The following NSG2 variants were observed in gnomAD, a reference collection of about 807,000 sequenced individuals.
NSG2 encodes the protein neuronal vesicle trafficking-associated protein 2.
In NSG2, 4 loss-of-function variants were observed where a neutral mutation model predicts 16.9. That is an observed-to-expected ratio of 0.24 (90% CI 0.12 to 0.54). NSG2 has a LOEUF of 0.54. NSG2 is among the 20% of genes least tolerant of loss of function. NSG2 has a pLI of 0.95. For synonymous variants in NSG2, 98 were observed against 88.7 expected (o/e 1.11, Z -0.59); for missense variants, 179 against 221.1 (o/e 0.81, Z 1.21).
At chr5:174,088,167 A>G (rs1324754523) in intron 3 of NSG2, among the ~76,000 whole-genome samples, 1 of 152,254 alleles carries the variant, frequency 6.6e-6, no homozygotes, top group Non-Finnish European at 1.5e-5. Context: ...GGTGAGCTCC[A>G]TAATCTCATT....
At chr5:174,049,039 G>GT (rs1275140774) in intron 2 of NSG2, among the ~76,000 whole-genome samples, 1 of 151,796 alleles carries the variant, frequency 6.6e-6, no homozygotes, top group Non-Finnish European at 1.5e-5. Context: ...AAAGTGCCTG[G>GT]TAAAAAAAAA....
intron 3 of NSG2, among the ~76,000 whole-genome samples, chr5:174,102,745 CTTTGTTTTT>C (rs1204034056): frequency 6.8e-6 from 1 of 146,748 alleles, no homozygotes; most frequent in Non-Finnish European, 1.5e-5. Flanking sequence ...AAGGGCCATG[CTTTGTTTTT>C]TTTATTTATT....
chr5:174,089,144 A>T (rs1760681208), intron 3 of NSG2, among the ~76,000 whole-genome samples: 1 of 152,178 alleles, frequency 6.6e-6, no homozygotes, highest in Non-Finnish European at 1.5e-5. Flanking sequence ...GCTCACTGAC[A>T]AGGAGGTCTG....
At chr5:174,083,289 G>T (rs1760523807) in intron 3 of NSG2, among the ~76,000 whole-genome samples, 1 of 152,242 alleles carries the variant, frequency 6.6e-6, no homozygotes, top group Non-Finnish European at 1.5e-5. Context: ...CTATTGTCCA[G>T]TGAACAATTA....
chr5:174,079,941 A>G (rs1760420656), intron 3 of NSG2, among the ~76,000 whole-genome samples: 1 of 152,138 alleles, frequency 6.6e-6, no homozygotes, highest in Non-Finnish European at 1.5e-5. Context: ...TGTGTTTTAT[A>G]TGTTACAATT....
chr5:174,097,613 TTC>T (rs977873751), intron 3 of NSG2, among the ~76,000 whole-genome samples: 4 of 141,046 alleles, frequency 2.8e-5, no homozygotes, highest in East Asian at 2.1e-4. Context: ...GTGTCTGTGT[TTC>T]TCTCTGTGTG....
intron 3 of NSG2, among the ~76,000 whole-genome samples, chr5:174,099,609 C>T (rs1760867796): frequency 6.6e-6 from 1 of 152,152 alleles, no homozygotes; most frequent in African/African-American, 2.4e-5. Context: ...GTTCTTTGCC[C>T]CCTGCCCAGG....
At chr5:174,074,341 G>A (rs1191261481) in intron 3 of NSG2, among the ~76,000 whole-genome samples, 1 of 152,160 alleles carries the variant, frequency 6.6e-6, no homozygotes, top group Non-Finnish European at 1.5e-5. Context: ...TAGCTGCATG[G>A]TAGTTTTATT....
chr5:174,058,570 A>G (rs1760000166), intron 2 of NSG2, among the ~76,000 whole-genome samples: 1 of 152,196 alleles, frequency 6.6e-6, no homozygotes, highest in South Asian at 2.1e-4. Context: ...GATCAGAAAG[A>G]GGAGGAGCCT....
At chr5:174,046,922 TCC>T (rs767410764) in intron 2 of NSG2, 38 bp downstream of exon 2, 6 of 1,596,072 alleles carry the variant, frequency 3.8e-6, no homozygotes, top group Non-Finnish European at 5.1e-6. Flanking sequence ...GCCCCCAGGC[TCC>T]CCCCATCTCA....
At chr5:174,098,899 C>A (rs1378141590) in intron 3 of NSG2, among the ~76,000 whole-genome samples, 1 of 152,122 alleles carries the variant, frequency 6.6e-6, no homozygotes, top group African/African-American at 2.4e-5. Context: ...AGCTGTTTAT[C>A]GCGAGGCTCA....
chr5:174,051,460 C>T (rs1251354381), intron 2 of NSG2, among the ~76,000 whole-genome samples: 1 of 152,198 alleles, frequency 6.6e-6, no homozygotes, highest in African/African-American at 2.4e-5. Flanking sequence ...AGCACCTCTC[C>T]TGAATGCCTT....
At chr5:174,098,551 C>T (rs1035405904) in intron 3 of NSG2, among the ~76,000 whole-genome samples, 4 of 152,164 alleles carry the variant, frequency 2.6e-5, no homozygotes, top group South Asian at 2.1e-4. Context: ...TGCTCTGGCC[C>T]GGGGTTGCCT....
Position 174,049,745 on chromosome 5 carries a change from C to T in NSG2, c.129+2861C>T, listed in dbSNP as rs372797558. Among the ~76,000 whole-genome samples the T allele has an allele frequency of 1.3e-3, 194 of 152,264 alleles. 1 individual carries two copies. Among genetic ancestry groups the T allele is most frequent in the Non-Finnish European group, 2.3e-3 (159 of 68,028 alleles). On this transcript the variant is annotated intron_variant, in intron 2 of 4. Coordinates refer to ENST00000303177, the MANE Select transcript of NSG2 (RefSeq NM_015980.5). ...CACTGACCCACAGTGCGCTCCATTC[C>T]CCTCTCTTAGGTCTGTGTTCTCTGA...
chr5:174,077,245 T>C (rs975237939), intron 3 of NSG2, among the ~76,000 whole-genome samples: 1 of 152,190 alleles, frequency 6.6e-6, no homozygotes, highest in African/African-American at 2.4e-5. Flanking sequence ...CTTGCAGATA[T>C]TTCAACTGCC....
chr5:174,102,354 G>T (rs1449142905), intron 3 of NSG2, among the ~76,000 whole-genome samples: 2 of 152,094 alleles, frequency 1.3e-5, no homozygotes, highest in African/African-American at 4.8e-5. Context: ...GATGGCATGG[G>T]CACTCCCAAA....
At position 174,078,733 on chromosome 5, in the gene NSG2, A is replaced by G. The variant is rs548855289; in HGVS notation, c.213+14418A>G. On this transcript the variant is annotated intron_variant, in intron 3 of 4. Transcript: ENST00000303177. ...TAGTGTCTTTATAACAGAGGCCCCA[A>G]GAAGCTTGATCTACCCTTCCACCAT... Among the ~76,000 whole-genome samples the G allele has an allele frequency of 3.3e-5, 5 of 152,320 alleles. No individual in the cohort carries two copies. The South Asian group carries it at 8.3e-4, about 25-fold the overall frequency.
At chr5:174,051,238 C>A (rs1356303562) in intron 2 of NSG2, among the ~76,000 whole-genome samples, 2 of 152,094 alleles carry the variant, frequency 1.3e-5, no homozygotes, top group African/African-American at 2.4e-5. Context: ...ACAGGACACC[C>A]AAGTCCCCCA....
chr5:174,050,414 AG>A (rs1314369459), intron 2 of NSG2, among the ~76,000 whole-genome samples: 1 of 152,146 alleles, frequency 6.6e-6, no homozygotes, highest in African/African-American at 2.4e-5. Context: ...GGGACTATGC[AG>A]GGCATTCAGG....
Sources: allele counts gnomAD v4.1 joint callset (sites outside exome capture counted in the v4.1 genomes callset), GRCh38; gene constraint gnomAD v4.1.1; transcripts MANE v1.5; gene names NCBI Gene and HGNC (gene_info 2026-07-23, HGNC 2026-07-21).